ZBED4: variants seen among roughly 807,000 people sequenced by gnomAD.
ZBED4 encodes zinc finger BED domain-containing protein 4.
In ZBED4, 4 loss-of-function variants were observed where a neutral mutation model predicts 15.5. That is an observed-to-expected ratio of 0.26 (90% CI 0.13 to 0.59). The LOEUF is 0.59. Ranked by LOEUF, ZBED4 falls within the 20% of genes least tolerant of loss-of-function variation. The probability of loss-of-function intolerance (pLI) is 0.90; values close to 1 mark genes in which losing one functional copy is unlikely to be tolerated. For synonymous variants in ZBED4, 692 were observed against 608.5 expected, an observed-to-expected ratio of 1.14 and a Z score of -2.02; for missense variants, 1,323 against 1,461.8, an observed-to-expected ratio of 0.91 and a Z score of 1.55.
intron 1 of ZBED4, among the ~76,000 whole-genome samples, chr22:49,881,971 C>T (rs2060411946): frequency 6.6e-6 from 1 of 152,242 alleles, no homozygotes; most frequent in Non-Finnish European, 1.5e-5. Flanking sequence ...TTAGGGCAAC[C>T]ATACATCTTG....
At chr22:49,865,632 A>G (rs2060318961) in intron 1 of ZBED4, among the ~76,000 whole-genome samples, 1 of 152,118 alleles carries the variant, frequency 6.6e-6, no homozygotes, top group Non-Finnish European at 1.5e-5. Context: ...CAGAGATCAC[A>G]CCACTGCACT....
intron 1 of ZBED4, among the ~76,000 whole-genome samples, chr22:49,878,896 A>G (rs1010106709): frequency 1.3e-5 from 2 of 151,824 alleles, no homozygotes; most frequent in Non-Finnish European, 1.5e-5. Context: ...TGTAACCCCA[A>G]CACTTTGGGA....
chr22:49,854,701 C>G (rs2060267439), intron 1 of ZBED4, among the ~76,000 whole-genome samples: 2 of 152,184 alleles, frequency 1.3e-5, no homozygotes, highest in Non-Finnish European at 2.9e-5. Flanking sequence ...CCTTCTGCGC[C>G]TTTCTATTCC....
rs1210340848 is a variant in ZBED4 at position 49,885,657 on chromosome 22, G to T, written c.1995G>T (p.Met665Ile). Reference protein sequence around the residue: ...AKKITSLIAEMIALDLQPYSF... With the variant: ...AKKITSLIAEIIALDLQPYSF... ...AAATCACAAGTCTCATAGCTGAAAT[G>T]ATTGCACTTGACCTCCAGCCATATT... The change falls in exon 2 of 2, where the codon ATG (methionine) becomes ATT (isoleucine). Residue 665 changes from methionine to isoleucine, a missense_variant. By Grantham distance (10) the Met-to-Ile change is conservative. Around this residue, in one of 6 missense-constraint regions of ZBED4, gnomAD observed 89 missense variants for 129.8 expected, o/e 0.69. Transcript: ENST00000216268. 1 of 1,612,874 alleles carries T rather than the reference G, an allele frequency of 6.2e-7. No individual in the cohort carries two copies. Among genetic ancestry groups the T allele is most frequent in the Non-Finnish European group, 8.5e-7 (1 of 1,179,058 alleles).
At position 49,885,274 on chromosome 22, in the gene ZBED4, T is replaced by G; in HGVS notation, c.1612T>G (p.Leu538Val). 1 of 1,596,666 alleles carries G rather than the reference T, an allele frequency of 6.3e-7. No individual in the cohort carries two copies. The highest frequency in any genetic ancestry group is 1.1e-5 in the South Asian group (1 of 89,738). The change falls in exon 2 of 2, where the codon TTG becomes GTG. Residue 538 changes from leucine (L) to valine (V), a missense_variant. Coordinates refer to ENST00000216268, the MANE Select transcript of ZBED4 (RefSeq NM_014838.3). ...CTCTGCAGAAAGTTCCTCTTCCAAA[T>G]TGACTGACTTGCCAACAGTGGTCAC... ...LASAESSSSK[L>V]TDLPTVVTKN...
chr22:49,861,493 G>A (rs1354706424), intron 1 of ZBED4, among the ~76,000 whole-genome samples: 1 of 151,926 alleles, frequency 6.6e-6, no homozygotes. Flanking sequence ...GAGTGCAGTG[G>A]CCTGATCTTG....
At chr22:49,864,402 A>G (rs2060310636) in intron 1 of ZBED4, among the ~76,000 whole-genome samples, 1 of 152,252 alleles carries the variant, frequency 6.6e-6, no homozygotes, top group African/African-American at 2.4e-5. Context: ...AAGTCTTCCC[A>G]TTCTGTGTAG....
chr22:49,883,933 A>C lies in ZBED4; in HGVS notation c.271A>C (p.Ser91Arg). Residue 91 changes from serine (S) to arginine (R), a missense_variant, in exon 2 of 2, where the codon AGC (serine) becomes CGC (arginine). By Grantham distance (110) the Ser-to-Arg change is moderately radical. Coordinates refer to ENST00000216268, the MANE Select transcript of ZBED4 (RefSeq NM_014838.3). ...DDYGALFSQYSSTLYDVAMEA... is the reference protein window; with the variant it reads ...DDYGALFSQYRSTLYDVAMEA... ...CTATGGCGCGCTGTTCTCCCAGTACAGCAGCACCCTATACGACGTGGCCAT... is the reference window on the plus strand; with the variant it reads ...CTATGGCGCGCTGTTCTCCCAGTACCGCAGCACCCTATACGACGTGGCCAT... The C allele has an allele frequency of 6.2e-7, 1 of 1,613,360 alleles. No homozygotes were observed. Among genetic ancestry groups the C allele is most frequent in the Non-Finnish European group, 8.5e-7 (1 of 1,179,702 alleles).
chr22:49,857,706 C>T (rs1428333981), intron 1 of ZBED4, among the ~76,000 whole-genome samples: 2 of 152,176 alleles, frequency 1.3e-5, no homozygotes. Context: ...ATTCTGCTGC[C>T]TTAGCTCCCT....
chr22:49,881,322 G>A lies in ZBED4; in HGVS notation c.-329-2012G>A, dbSNP rs547090718. ...TGAGATCGTGCCGCTGCACACTGCA[G>A]CCTGGGCGACAGAGTGATCCGTCTC... On this transcript the variant is annotated intron_variant, in intron 1 of 1. Coordinates refer to ENST00000216268, the MANE Select transcript of ZBED4 (RefSeq NM_014838.3). 3.3e-5 allele frequency among the ~76,000 whole-genome samples: 5 copies of A among 152,394 alleles called. No homozygotes were observed. The East Asian group carries it at 9.6e-4, about 29-fold the overall frequency.
In ZBED4 at chr22:49,865,863, CT is replaced by C. The variant is rs112145673; in HGVS notation, c.-330+11888del. Reference sequence around the variant, plus strand: ...GTATAAAATCCTTGGTTCACATTTTCTTTTTTTTTTTTTTCCCTTTAATTTT... The same window carrying C: ...GTATAAAATCCTTGGTTCACATTTTCTTTTTTTTTTTTTCCCTTTAATTTT... On this transcript the variant is annotated intron_variant, in intron 1 of 1. Coordinates refer to ENST00000216268, the MANE Select transcript of ZBED4 (RefSeq NM_014838.3). Among the ~76,000 whole-genome samples the C allele has an allele frequency of 2.0e-3, 282 of 139,346 alleles. 2 individuals are homozygous for C. Among genetic ancestry groups the C allele is most frequent in the Middle Eastern group, 3.6e-3 (1 of 276 alleles). 91.4% of individuals were successfully genotyped at this position (139,346 alleles called of 152,430 possible). A position where few individuals can be genotyped will look rare whatever the true frequency, so the allele number is the denominator to read the frequency against.
chr22:49,883,909 T>C lies in ZBED4; in HGVS notation c.247T>C (p.Tyr83His). 1 of 1,608,288 alleles carries C rather than the reference T, an allele frequency of 6.2e-7. No homozygotes were observed. Residue 83 changes from tyrosine to histidine, a missense_variant, in exon 2 of 2, where the codon TAT becomes CAT. Coordinates refer to ENST00000216268, the MANE Select transcript of ZBED4 (RefSeq NM_014838.3). ...KYLSAESEDDYGALFSQYSST... is the reference protein window; with the variant it reads ...KYLSAESEDDHGALFSQYSST... ...CTTGTCTGCAGAGAGTGAGGATGAC[T>C]ATGGCGCGCTGTTCTCCCAGTACAG...
rs549870517 is a variant in ZBED4 at position 49,889,520 on chromosome 22, G to A, written c.*2342G>A. 6.0e-5 allele frequency: 10 copies of A among 167,178 alleles called. No homozygotes were observed. The South Asian group carries it at 1.7e-3, about 28-fold the overall frequency. The allele number at this position is 167,178 out of a possible 1,614,324, so 10.4% of individuals were successfully genotyped here. The stretch of plus-strand genomic sequence containing the variant: ...TCATGCTGCTGTATTTTTAGTTGAA[G>A]TGTTCTGAGTAACAGTCAGTGTATA... On this transcript the variant is annotated 3_prime_UTR_variant, in exon 2 of 2. Coordinates refer to ENST00000216268, the MANE Select transcript of ZBED4 (RefSeq NM_014838.3).
At chr22:49,869,313 G>C (rs1008565480) in intron 1 of ZBED4, among the ~76,000 whole-genome samples, 1 of 152,158 alleles carries the variant, frequency 6.6e-6, no homozygotes, top group African/African-American at 2.4e-5. Flanking sequence ...AGAGGCACCC[G>C]TAACAGTGAG....
chr22:49,858,194 G>GC (rs2060282480), intron 1 of ZBED4, among the ~76,000 whole-genome samples: 1 of 152,230 alleles, frequency 6.6e-6, no homozygotes, highest in Non-Finnish European at 1.5e-5. Context: ...GAGCCACCGT[G>GC]CCCGGCCCCC....
chr22:49,864,743 C>T (rs1419213123), intron 1 of ZBED4, among the ~76,000 whole-genome samples: 3 of 141,600 alleles, frequency 2.1e-5, no homozygotes, highest in Non-Finnish European at 4.5e-5. Flanking sequence ...ATTGCTTGGG[C>T]CCAGGAGTTT....
rs1486811380 is a variant in ZBED4, at chr22:49,887,457, A to G, written c.*279A>G. The G allele has an allele frequency of 3.2e-6, 1 of 317,286 alleles. No homozygotes were observed. The highest frequency in any genetic ancestry group is 2.1e-5 in the African/African-American group (1 of 47,136). The allele number at this position is 317,286 out of a possible 1,614,324, so 19.7% of individuals were successfully genotyped here. A position where few individuals can be genotyped will look rare whatever the true frequency, so the allele number is the denominator to read the frequency against. On this transcript the variant is annotated 3_prime_UTR_variant, in exon 2 of 2. Coordinates refer to ENST00000216268, the MANE Select transcript of ZBED4 (RefSeq NM_014838.3). The stretch of plus-strand genomic sequence containing the variant: ...TTAATTCATAACCGTAAAGTTTTTT[A>G]AAGTTTTGGGTTAGTAATTTGTTTT...
chr22:49,873,734 C>G (rs1271876826), intron 1 of ZBED4, among the ~76,000 whole-genome samples: 1 of 152,146 alleles, frequency 6.6e-6, no homozygotes, highest in Non-Finnish European at 1.5e-5. Context: ...TCACCCCCAC[C>G]CTGCAGCCCC....
rs2060431742 is a variant in ZBED4 at position 49,885,248 on chromosome 22, C to T, written c.1586C>T (p.Ala529Val). The change falls in exon 2 of 2, where the codon GCC becomes GTC. Residue 529 changes from alanine (A) to valine (V), a missense_variant. Physicochemically the swap from Ala to Val is moderately conservative, Grantham distance 64. This residue lies in a region of ZBED4 where 429 missense variants were observed against 397.9 expected (regional missense o/e 1.08). Transcript: ENST00000216268. ...GCAAACTCTCCGTATGCCACTTTGG[C>T]CTCTGCAGAAAGTTCCTCTTCCAAA... Reference protein sequence around the residue: ...SLANSPYATLASAESSSSKLT... With the variant: ...SLANSPYATLVSAESSSSKLT... The T allele has an allele frequency of 5.6e-6, 9 of 1,605,292 alleles. No individual in the cohort carries two copies. Among genetic ancestry groups the T allele is most frequent in the South Asian group, 1.1e-5 (1 of 90,360 alleles).
Sources: allele counts gnomAD v4.1 joint callset (sites outside exome capture counted in the v4.1 genomes callset), GRCh38; gene constraint gnomAD v4.1.1; regional missense constraint gnomAD v4.1.1; transcripts MANE v1.5; gene names NCBI Gene and HGNC (gene_info 2026-07-23, HGNC 2026-07-21).